ZNF860: variants seen among roughly 807,000 people sequenced by gnomAD.
The protein encoded by ZNF860 is zinc finger protein 860.
For missense variants in ZNF860, 641 were observed against 759.2 expected (o/e 0.84, Z 1.83); for synonymous variants, 206 against 248.9 (o/e 0.83, Z 1.62).
At position 31,986,615 on chromosome 3, in the gene ZNF860, C is replaced by T. The variant is rs549062136; in HGVS notation, c.-420-2045C>T. ...AAAAAAAAGTTTATATTTTTTTATA[C>T]GAAAAAATACAAATATACAAATAAA... is the stretch of plus-strand genomic sequence containing the variant. On this transcript the variant is annotated intron_variant, in intron 1 of 1. Transcript: ENST00000360311. Among the ~76,000 whole-genome samples, 98 of 151,960 alleles carry T rather than the reference C, an allele frequency of 6.4e-4. 2 individuals are homozygous for T. In the South Asian group the frequency reaches 0.018, roughly 28 times the overall value.
In ZNF860 at chr3:31,983,182, T is replaced by G. The variant is rs1011525842; in HGVS notation, c.-421+1280T>G. The stretch of plus-strand genomic sequence containing the variant: ...ACAGCATAGCTTTGCCTAAGCTAAC[T>G]TACTGATCATATATGAGTGTTCATT... On this transcript the variant is annotated intron_variant, in intron 1 of 1. Coordinates refer to ENST00000360311, the MANE Select transcript of ZNF860 (RefSeq NM_001137674.3). Among the ~76,000 whole-genome samples, 10 of 152,230 alleles carry G rather than the reference T, an allele frequency of 6.6e-5. No homozygotes were observed. The East Asian group carries it at 1.3e-3, about 20-fold the overall frequency.
chr3:32,005,056 C>T, the ZNF860 span, among the ~76,000 whole-genome samples: 1 of 152,118 alleles, frequency 6.6e-6, no homozygotes, highest in Non-Finnish European at 1.5e-5. Flanking sequence ...TTCTTTCACT[C>T]AACACTTTTT....
At position 31,989,473 on chromosome 3, in the gene ZNF860, A is replaced by C; in HGVS notation, c.394A>C (p.Lys132Gln). 1 of 1,614,234 alleles carries C rather than the reference A, an allele frequency of 6.2e-7. No individual in the cohort carries two copies. Among genetic ancestry groups the C allele is most frequent in the Non-Finnish European group, 8.5e-7 (1 of 1,180,046 alleles). Residue 132 changes from lysine (K) to glutamine (Q), a missense_variant, in exon 2 of 2, where the codon AAA becomes CAA. Coordinates refer to ENST00000360311, the MANE Select transcript of ZNF860 (RefSeq NM_001137674.3). Reference protein sequence around the residue: ...NSHEATMTQIKKLTGSTDRYD... With the variant: ...NSHEATMTQIQKLTGSTDRYD... ...CCATGAAGCAACTATGACACAAATCAAAAAGTTGACTGGTAGCACCGACAG... is the reference window on the plus strand; with the variant it reads ...CCATGAAGCAACTATGACACAAATCCAAAAGTTGACTGGTAGCACCGACAG...
chr3:31,989,376 T>C lies in ZNF860; in HGVS notation c.297T>C (p.Asp99=). Residue 99 remains aspartate, a synonymous_variant, in exon 2 of 2, where the codon GAT becomes GAC. Coordinates refer to ENST00000360311, the MANE Select transcript of ZNF860 (RefSeq NM_001137674.3). ...LERHESHHIG[D]FCFQKIGKDI... is the part of the protein sequence containing the mutation. ...GACATGAAAGTCATCACATTGGAGA[T>C]TTTTGCTTCCAGAAAATTGGGAAAG... 1.2e-6 allele frequency: 2 copies of C among 1,614,172 alleles called. No individual in the cohort carries two copies. Among genetic ancestry groups the C allele is most frequent in the Non-Finnish European group, 1.7e-6 (2 of 1,180,026 alleles).
downstream of ZNF860, among the ~76,000 whole-genome samples, chr3:31,993,677 C>CACAT (rs200746278): frequency 7.6e-6 from 1 of 131,364 alleles, no homozygotes; most frequent in Non-Finnish European, 1.5e-5. Flanking sequence ...TGACTACACA[C>CACAT]ACATACACAC....
intron 1 of ZNF860, among the ~76,000 whole-genome samples, chr3:31,983,500 A>G (rs1272124068): frequency 6.6e-6 from 1 of 152,234 alleles, no homozygotes; most frequent in Non-Finnish European, 1.5e-5. Flanking sequence ...ACTAAGCTAA[A>G]AGGAATAGTC....
the ZNF860 span, among the ~76,000 whole-genome samples, chr3:31,999,083 T>C: frequency 1.4e-4 from 21 of 152,354 alleles, no homozygotes; most frequent in Non-Finnish European, 2.4e-4. Context: ...GCCTAGCTTT[T>C]AGTTTTCACT....
rs1003650349 is a variant in ZNF860, at chr3:31,989,311, G to A, written c.232G>A (p.Ala78Thr). The A allele has an allele frequency of 3.1e-6, 5 of 1,614,068 alleles. No homozygotes were observed. Among genetic ancestry groups the A allele is most frequent in the African/African-American group, 2.7e-5 (2 of 74,918 alleles). ...KCMMKKFSST[A>T]QGNTEVDTGT... ...CATGATGAAGAAGTTCTCATCAACAGCGCAAGGCAATACAGAAGTGGACAC... is the reference window on the plus strand; with the variant it reads ...CATGATGAAGAAGTTCTCATCAACAACGCAAGGCAATACAGAAGTGGACAC... The change falls in exon 2 of 2, where the codon GCG becomes ACG. Residue 78 changes from alanine to threonine, a missense_variant. Physicochemically the swap from Ala to Thr is moderately conservative, Grantham distance 58. Coordinates refer to ENST00000360311, the MANE Select transcript of ZNF860 (RefSeq NM_001137674.3).
At position 31,990,879 on chromosome 3, in the gene ZNF860, C is replaced by T; in HGVS notation, c.1800C>T (p.Gly600=). Residue 600 remains glycine, a synonymous_variant, in exon 2 of 2, where the codon GGC becomes GGT. Transcript: ENST00000360311. ...AACATCACAAGTGTGATGATTGTGG[C>T]AAAGCCTTTACTTCACATTCACATC... The part of the protein sequence containing the change: ...GEKHHKCDDC[G]KAFTSHSHRI... The T allele has an allele frequency of 6.3e-7, 1 of 1,575,810 alleles. No homozygotes were observed. Among genetic ancestry groups the T allele is most frequent in the Non-Finnish European group, 8.6e-7 (1 of 1,159,518 alleles).
chr3:31,988,896 G>C lies in ZNF860; in HGVS notation c.-184G>C. 1 of 710,000 alleles carries C rather than the reference G, an allele frequency of 1.4e-6. No individual in the cohort carries two copies. Among genetic ancestry groups the C allele is most frequent in the East Asian group, 2.7e-5 (1 of 36,896 alleles). The allele number at this position is 710,000 out of a possible 1,614,324, so 44.0% of individuals were successfully genotyped here. A position where few individuals can be genotyped will look rare whatever the true frequency, so the allele number is the denominator to read the frequency against. On this transcript the variant is annotated 5_prime_UTR_variant, in exon 2 of 2. Coordinates refer to ENST00000360311, the MANE Select transcript of ZNF860 (RefSeq NM_001137674.3). ...TACAACCCAGAGAGACACTGAGCCA[G>C]GAACACCCAGCTGAAGTGCCTCCAA...
the ZNF860 span, among the ~76,000 whole-genome samples, chr3:32,003,642 C>A: frequency 6.6e-6 from 1 of 152,156 alleles, no homozygotes; most frequent in Non-Finnish European, 1.5e-5. Flanking sequence ...ACAGGATAAT[C>A]CTCTTTCTCG....
At chr3:32,003,055 G>T in the ZNF860 span, among the ~76,000 whole-genome samples, 1 of 152,232 alleles carries the variant, frequency 6.6e-6, no homozygotes, top group Non-Finnish European at 1.5e-5. Context: ...GAACGAAAGT[G>T]GGAAGGAGGA....
chr3:32,002,341 C>A, the ZNF860 span, among the ~76,000 whole-genome samples: 3 of 152,046 alleles, frequency 2.0e-5, no homozygotes, highest in Non-Finnish European at 2.9e-5. Flanking sequence ...ACCAGGAGAA[C>A]CATAGGGTAT....
chr3:31,982,611 C>T (rs915222796), intron 1 of ZNF860, among the ~76,000 whole-genome samples: 1 of 151,562 alleles, frequency 6.6e-6, no homozygotes, highest in East Asian at 1.9e-4. Context: ...AGTGGTTGTG[C>T]CCCTGAGTAA....
the ZNF860 span, among the ~76,000 whole-genome samples, chr3:32,006,411 G>A: frequency 6.6e-6 from 1 of 152,060 alleles, no homozygotes; most frequent in African/African-American, 2.4e-5. Context: ...TGTCATCTTT[G>A]TCTACTATAT....
downstream of ZNF860, among the ~76,000 whole-genome samples, chr3:31,993,690 A>G (rs1452556285): frequency 6.6e-6 from 1 of 151,862 alleles, no homozygotes; most frequent in Non-Finnish European, 1.5e-5. Flanking sequence ...ATACACACAC[A>G]CACACACACA....
At position 31,988,997 on chromosome 3, in the gene ZNF860, C is replaced by T. The variant is rs539995520; in HGVS notation, c.-83C>T. On this transcript the variant is annotated 5_prime_UTR_variant, in exon 2 of 2. Coordinates refer to ENST00000360311, the MANE Select transcript of ZNF860 (RefSeq NM_001137674.3). ...ACGAAGTTTGTGATAATTTGTTTCT[C>T]GGAAACAGATAACTAATACAGAGCA... 1.7e-4 allele frequency: 257 copies of T among 1,540,656 alleles called. No homozygotes were observed. The highest frequency in any genetic ancestry group is 2.2e-4 in the Non-Finnish European group (250 of 1,133,200).
At chr3:31,993,696 A>ACACC, downstream of ZNF860, among the ~76,000 whole-genome samples, 1 of 152,102 alleles carries the variant, frequency 6.6e-6, no homozygotes, top group East Asian at 1.9e-4. Flanking sequence ...ACACACACAC[A>ACACC]CACACACACA....
intron 1 of ZNF860, among the ~76,000 whole-genome samples, chr3:31,982,757 T>C (rs751388796): frequency 3.3e-5 from 5 of 152,268 alleles, no homozygotes; most frequent in African/African-American, 9.6e-5. Flanking sequence ...AGCCTTAGTT[T>C]TCTCACTGCA....
Sources: allele counts gnomAD v4.1 joint callset (sites outside exome capture counted in the v4.1 genomes callset), GRCh38; gene constraint gnomAD v4.1.1; transcripts MANE v1.5; gene names NCBI Gene and HGNC (gene_info 2026-07-23, HGNC 2026-07-21).